RAD51B: variants seen among roughly 807,000 people sequenced by gnomAD.
The protein encoded by RAD51B is DNA repair protein RAD51 homolog 2.
RAD51B carries 38 observed loss-of-function variants against 42.2 expected under a neutral mutation model. The ratio of observed to expected loss-of-function variants is 0.90; its 90% CI spans 0.70 to 1.18. The LOEUF (loss-of-function observed/expected upper bound fraction) is 1.18. Ranked by LOEUF, RAD51B falls within the 50% of genes most tolerant of loss-of-function variation. The pLI is 0.00. For missense variants in RAD51B, 373 were observed against 400.7 expected (o/e 0.93, Z 0.59); for synonymous variants, 154 against 145.2 (o/e 1.06, Z -0.43).
At chr14:68,090,699 A>T (rs977383177) in intron 7 of RAD51B, among the ~76,000 whole-genome samples, 11 of 147,606 alleles carry the variant, frequency 7.5e-5, no homozygotes, top group African/African-American at 9.9e-5. Flanking sequence ...TTATTTATTT[A>T]TTATTATTAT....
chr14:68,481,168 G>A (rs945814974), downstream of RAD51B, among the ~76,000 whole-genome samples: 6 of 152,206 alleles, frequency 3.9e-5, no homozygotes, highest in Middle Eastern at 3.4e-3. Flanking sequence ...TCTCAGCCAC[G>A]AACCTTGAGA....
intron 7 of RAD51B, among the ~76,000 whole-genome samples, chr14:67,906,954 C>T (rs2043799362): frequency 6.6e-6 from 1 of 151,994 alleles, no homozygotes; most frequent in Non-Finnish European, 1.5e-5. Context: ...GGATTACAGG[C>T]ATGTGCTACC....
chr14:68,464,184 C>A (rs1219733070), intron 9 of RAD51B, among the ~76,000 whole-genome samples: 2 of 152,052 alleles, frequency 1.3e-5, no homozygotes, highest in Non-Finnish European at 2.9e-5. Flanking sequence ...TAATATATGA[C>A]CTCTTTCTCT....
chr14:68,502,890 T>G (rs781725673), intron 10 of RAD51B, among the ~76,000 whole-genome samples: 5 of 152,138 alleles, frequency 3.3e-5, no homozygotes, highest in Non-Finnish European at 7.4e-5. Flanking sequence ...GACAGCCATA[T>G]CTGCCAGGGA....
At chr14:68,078,379 T>TA (rs1415523520) in intron 7 of RAD51B, among the ~76,000 whole-genome samples, 1 of 152,226 alleles carries the variant, frequency 6.6e-6, no homozygotes, top group Non-Finnish European at 1.5e-5. Context: ...GTTTGAAAGG[T>TA]ATCATTTCTG....
intron 8 of RAD51B, among the ~76,000 whole-genome samples, chr14:68,293,215 T>C (rs767038496): frequency 5.9e-5 from 9 of 152,116 alleles, no homozygotes; most frequent in Non-Finnish European, 1.0e-4. Context: ...AATCTTAGAA[T>C]AGTTTTTTTT....
At chr14:68,168,377 C>A (rs2078797353) in intron 7 of RAD51B, among the ~76,000 whole-genome samples, 1 of 152,010 alleles carries the variant, frequency 6.6e-6, no homozygotes, top group African/African-American at 2.4e-5. Context: ...TATACATATA[C>A]CATGGTAAAG....
chr14:67,917,271 T>C (rs924847586), intron 7 of RAD51B, among the ~76,000 whole-genome samples: 2 of 152,216 alleles, frequency 1.3e-5, no homozygotes, highest in African/African-American at 4.8e-5. Context: ...TTCTGTAGGC[T>C]GTACAGGAAG....
At chr14:68,106,538 G>A (rs2077379951) in intron 7 of RAD51B, among the ~76,000 whole-genome samples, 1 of 151,860 alleles carries the variant, frequency 6.6e-6, no homozygotes, top group South Asian at 2.1e-4. Context: ...ATGAACTTCA[G>A]TGTTTGTGTC....
chr14:68,601,569 C>G (rs10129349), intron 10 of RAD51B, among the ~76,000 whole-genome samples: 3,908 of 152,252 alleles, frequency 0.026, 182 homozygotes, highest in African/African-American at 0.09. Context: ...AGAGGAAGTA[C>G]TTAATGGGAT....
intron 7 of RAD51B, among the ~76,000 whole-genome samples, chr14:67,907,140 C>A (rs1327396130): frequency 6.6e-6 from 1 of 151,906 alleles, no homozygotes; most frequent in Non-Finnish European, 1.5e-5. Flanking sequence ...TATTAGTCTA[C>A]CTAGTGGTCT....
chr14:68,210,289 G>C (rs751377886), intron 7 of RAD51B, among the ~76,000 whole-genome samples: 12 of 152,114 alleles, frequency 7.9e-5, no homozygotes, highest in Non-Finnish European at 1.6e-4. Context: ...TCTATAGTTA[G>C]GAACGTTGAG....
At chr14:68,085,555 T>G (rs2076971461) in intron 7 of RAD51B, among the ~76,000 whole-genome samples, 1 of 152,090 alleles carries the variant, frequency 6.6e-6, no homozygotes, top group Non-Finnish European at 1.5e-5. Flanking sequence ...TCAAGTAAAA[T>G]ACAAAAAGAT....
chr14:67,862,108 A>T (rs145980772), intron 4 of RAD51B, among the ~76,000 whole-genome samples: 1 of 152,222 alleles, frequency 6.6e-6, no homozygotes, highest in Non-Finnish European at 1.5e-5. Context: ...TGTATATTTC[A>T]AATTGCTAGA....
At chr14:68,208,978 C>T (rs1056633278) in intron 7 of RAD51B, among the ~76,000 whole-genome samples, 1 of 151,848 alleles carries the variant, frequency 6.6e-6, no homozygotes, top group Non-Finnish European at 1.5e-5. Flanking sequence ...TGGAGATCTT[C>T]GATAGTCTTC....
intron 7 of RAD51B, among the ~76,000 whole-genome samples, chr14:67,941,404 T>C (rs1200771110): frequency 6.6e-6 from 1 of 152,182 alleles, no homozygotes; most frequent in Non-Finnish European, 1.5e-5. Flanking sequence ...TGAAAGTCTA[T>C]TGCAGATTTG....
chr14:68,210,055 G>A (rs2079673281), intron 7 of RAD51B, among the ~76,000 whole-genome samples: 1 of 151,822 alleles, frequency 6.6e-6, no homozygotes, highest in Admixed American at 6.6e-5. Context: ...CGCCACCCGG[G>A]TTCAAGTGAT....
At chr14:68,437,034 C>T (rs1210063881) in intron 9 of RAD51B, among the ~76,000 whole-genome samples, 1 of 152,150 alleles carries the variant, frequency 6.6e-6, no homozygotes, top group Non-Finnish European at 1.5e-5. Flanking sequence ...ACTGCTCTGG[C>T]TAGGACTTCC....
chr14:68,469,386 G>A (rs772623391), intron 10 of RAD51B, among the ~76,000 whole-genome samples: 1 of 152,146 alleles, frequency 6.6e-6, no homozygotes, highest in African/African-American at 2.4e-5. Flanking sequence ...CTTCTTAATG[G>A]ACTCACAAAG....
Sources: gnomAD v4.1 joint callset for allele counts (sites outside exome capture counted in the v4.1 genomes callset) on GRCh38, gnomAD v4.1.1 for gene constraint, MANE v1.5 for transcripts, NCBI Gene and HGNC (gene_info 2026-07-23, HGNC 2026-07-21) for gene names.